ARHGEF3: variants seen among roughly 807,000 people sequenced by gnomAD.
ARHGEF3 encodes 59.8 kDA protein.
Under a neutral mutation model 63.2 loss-of-function variants are expected in ARHGEF3, and 28 were observed. The observed-to-expected ratio is 0.44, with a 90% CI of 0.33 to 0.61. The LOEUF is 0.61. Ranked by LOEUF, ARHGEF3 falls within the 20% of genes least tolerant of loss-of-function variation. ARHGEF3 has a pLI of 0.03. For synonymous variants in ARHGEF3, 266 were observed against 254.2 expected, an observed-to-expected ratio of 1.05 and a Z score of -0.44; for missense variants, 533 against 659.3, an observed-to-expected ratio of 0.81 and a Z score of 2.10.
intron 2 of ARHGEF3, among the ~76,000 whole-genome samples, chr3:57,021,449 AC>A (rs1579107503): frequency 6.6e-6 from 1 of 152,094 alleles, no homozygotes; most frequent in African/African-American, 2.4e-5. Context: ...TCTACATACC[AC>A]CGCTAGTTAA....
chr3:56,789,095 T>G (rs1285274389), intron 1 of ARHGEF3, among the ~76,000 whole-genome samples: 2 of 151,918 alleles, frequency 1.3e-5, no homozygotes, highest in Admixed American at 6.6e-5. Flanking sequence ...ACTTGTTTGG[T>G]GGAAGCCCTT....
chr3:56,946,491 A>G (rs765814921), intron 3 of ARHGEF3, among the ~76,000 whole-genome samples: 8 of 152,240 alleles, frequency 5.3e-5, no homozygotes, highest in South Asian at 2.1e-4. Flanking sequence ...CACTAGCCTC[A>G]GCAGCCGATT....
chr3:56,991,835 A>C (rs138999645), intron 2 of ARHGEF3, among the ~76,000 whole-genome samples: 2,611 of 152,186 alleles, frequency 0.017, 85 homozygotes, highest in African/African-American at 0.06. Context: ...GGCTGGTCTC[A>C]AACTCCTGAC....
At chr3:56,807,847 G>C (rs1026194242) in intron 4 of ARHGEF3, among the ~76,000 whole-genome samples, 1 of 152,232 alleles carries the variant, frequency 6.6e-6, no homozygotes, top group Non-Finnish European at 1.5e-5. Context: ...CTCTGGGCTG[G>C]GTGCAGTGGC....
chr3:56,792,113 A>AAAAAAAAAAG lies in ARHGEF3; in HGVS notation c.96+9589_96+9590insCTTTTTTTTT, dbSNP rs55899473. ...AGTGAGACTCTGTCTCAAAAAAAAA[A>AAAAAAAAAAG]AAAAGAAAAGAAAAGAAAAGAAAAG... On this transcript the variant is annotated intron_variant, in intron 1 of 9. Coordinates refer to ENST00000296315, the MANE Select transcript of ARHGEF3 (RefSeq NM_019555.3). Among the ~76,000 whole-genome samples the AAAAAAAAAAG allele has an allele frequency of 2.3e-3, 325 of 140,000 alleles. 2 individuals are homozygous for AAAAAAAAAAG. The highest frequency in any genetic ancestry group is 0.017 in the East Asian group (84 of 4,848). 91.8% of individuals were successfully genotyped at this position (140,000 alleles called of 152,430 possible).
chr3:57,067,490 T>TA (rs1019937513), intron 1 of ARHGEF3, among the ~76,000 whole-genome samples: 8 of 147,958 alleles, frequency 5.4e-5, no homozygotes, highest in East Asian at 2.0e-4. Context: ...ATAATAATAA[T>TA]ATTTGTCTAT....
chr3:57,020,866 A>G (rs1277915455), intron 2 of ARHGEF3, among the ~76,000 whole-genome samples: 1 of 152,260 alleles, frequency 6.6e-6, no homozygotes, highest in Non-Finnish European at 1.5e-5. Flanking sequence ...ATTTCCTAGC[A>G]GAACCACTGC....
intron 4 of ARHGEF3, among the ~76,000 whole-genome samples, chr3:56,879,612 C>T (rs1387266967): frequency 1.3e-5 from 2 of 151,340 alleles, no homozygotes; most frequent in Non-Finnish European, 2.9e-5. Context: ...CCCAAACCCT[C>T]GCATCCTCTG....
intron 1 of ARHGEF3, among the ~76,000 whole-genome samples, chr3:57,064,105 A>T (rs1443359946): frequency 3.3e-5 from 5 of 152,090 alleles, no homozygotes; most frequent in Admixed American, 6.5e-5. Context: ...TGTCTCTACC[A>T]AAAATACAAA....
intron 7 of ARHGEF3, among the ~76,000 whole-genome samples, chr3:56,741,184 C>CTTTT (rs10662620): frequency 1.2e-4 from 15 of 128,868 alleles, no homozygotes; most frequent in South Asian, 2.4e-4. Flanking sequence ...TGCTTTGGTT[C>CTTTT]TTTTTTTTTT....
intron 3 of ARHGEF3, among the ~76,000 whole-genome samples, chr3:56,918,987 G>A (rs923095093): frequency 5.9e-5 from 9 of 152,060 alleles, no homozygotes; most frequent in Admixed American, 1.3e-4. Flanking sequence ...GGATGCACTG[G>A]TGTTAAAAAG....
intron 3 of ARHGEF3, among the ~76,000 whole-genome samples, chr3:56,900,905 G>A (rs990493218): frequency 2.6e-5 from 4 of 152,124 alleles, no homozygotes; most frequent in Non-Finnish European, 5.9e-5. Flanking sequence ...TCCCAGTCTG[G>A]ATCTCAGTTT....
chr3:56,989,199 T>C (rs1701653911), intron 2 of ARHGEF3, among the ~76,000 whole-genome samples: 1 of 152,218 alleles, frequency 6.6e-6, no homozygotes, highest in African/African-American at 2.4e-5. Context: ...TTTTAAAATC[T>C]GAACTGAAAA....
chr3:57,008,896 A>G (rs901413189), intron 2 of ARHGEF3, among the ~76,000 whole-genome samples: 3 of 152,186 alleles, frequency 2.0e-5, no homozygotes, highest in African/African-American at 7.2e-5. Flanking sequence ...ATTTAAAAGA[A>G]TTTTTTTCAA....
intron 1 of ARHGEF3, among the ~76,000 whole-genome samples, chr3:57,038,201 A>G (rs1704039386): frequency 6.6e-6 from 1 of 152,244 alleles, no homozygotes; most frequent in Non-Finnish European, 1.5e-5. Flanking sequence ...GTGGCATGAC[A>G]TGCACAGGAA....
chr3:56,961,794 G>A (rs1179784498), intron 2 of ARHGEF3, among the ~76,000 whole-genome samples: 1 of 152,164 alleles, frequency 6.6e-6, no homozygotes, highest in Non-Finnish European at 1.5e-5. Context: ...TGTAATCCCA[G>A]CATTTTGGGA....
chr3:56,826,002 G>A (rs2038700726), intron 4 of ARHGEF3, among the ~76,000 whole-genome samples: 1 of 152,134 alleles, frequency 6.6e-6, no homozygotes, highest in Admixed American at 6.5e-5. Context: ...TCAGGAAGAG[G>A]CATGAGAACC....
intron 1 of ARHGEF3, among the ~76,000 whole-genome samples, chr3:57,051,195 G>A (rs1001846316): frequency 6.6e-6 from 1 of 152,190 alleles, no homozygotes; most frequent in South Asian, 2.1e-4. Context: ...CTCAAGCCAG[G>A]TTTGGTCATT....
intron 1 of ARHGEF3, among the ~76,000 whole-genome samples, chr3:56,786,413 A>G (rs2036818422): frequency 6.6e-6 from 1 of 152,104 alleles, no homozygotes; most frequent in Non-Finnish European, 1.5e-5. Flanking sequence ...ACACCCCCCA[A>G]ATGAGCAGAT....
Sources: allele counts gnomAD v4.1 joint callset (sites outside exome capture counted in the v4.1 genomes callset), GRCh38; gene constraint gnomAD v4.1.1; transcripts MANE v1.5; gene names NCBI Gene and HGNC (gene_info 2026-07-23, HGNC 2026-07-21).